The following PCDHGA8 variants were observed in gnomAD, a reference collection of about 807,000 sequenced individuals.
The protein encoded by PCDHGA8 is protocadherin gamma-A8.
PCDHGA8 carries 45 observed loss-of-function variants against 59.2 expected under a neutral mutation model. That is an observed-to-expected ratio of 0.76 (90% CI 0.60 to 0.98). The LOEUF (loss-of-function observed/expected upper bound fraction) is 0.98, where lower values mean the gene tolerates loss of function less well. Among genes scored for constraint, PCDHGA8 ranks in the 50% least tolerant of loss-of-function variants. The pLI, the probability that PCDHGA8 is intolerant of heterozygous loss-of-function variation, is 0.00. For synonymous variants in PCDHGA8, 531 were observed against 519.0 expected, an observed-to-expected ratio of 1.02 and a Z score of -0.32; for missense variants, 1,257 against 1,196.2, an observed-to-expected ratio of 1.05 and a Z score of -0.75.
At chr5:141,441,782 G>T in intron 1 of PCDHGA8, 1 of 391,086 alleles carries the variant, frequency 2.6e-6, no homozygotes, top group East Asian at 8.8e-5. Context: ...TGGACGACCT[G>T]AATGACAACG....
At chr5:141,447,696 G>A (rs1273958794) in intron 1 of PCDHGA8, among the ~76,000 whole-genome samples, 1 of 152,096 alleles carries the variant, frequency 6.6e-6, no homozygotes, top group Non-Finnish European at 1.5e-5. Context: ...TAGAGGGATG[G>A]GTTATAAGGA....
intron 1 of PCDHGA8, among the ~76,000 whole-genome samples, chr5:141,453,393 A>G (rs2098764590): frequency 6.6e-6 from 1 of 152,018 alleles, no homozygotes; most frequent in Non-Finnish European, 1.5e-5. Flanking sequence ...CTTAGCCTCC[A>G]AGTGCTGGTA....
intron 1 of PCDHGA8, chr5:141,420,103 G>C (rs754672450): frequency 4.3e-6 from 7 of 1,613,990 alleles, no homozygotes; most frequent in Non-Finnish European, 2.5e-6. Context: ...AGGGAACGTT[G>C]CCCTATGCCT....
At chr5:141,419,729 G>A in intron 1 of PCDHGA8, 1 of 1,613,758 alleles carries the variant, frequency 6.2e-7, no homozygotes, top group Non-Finnish European at 8.5e-7. Context: ...GCTGCGAACA[G>A]GCGAGGTGCG....
chr5:141,476,619 CTT>C lies in PCDHGA8; in HGVS notation c.2425-18186_2425-18185del. Reference sequence around the variant, plus strand: ...CACGATCCCGATGTGGGAAGCAACTCTTTACAAACCTATGAGCTGAGCCGAAA... The same window carrying C: ...CACGATCCCGATGTGGGAAGCAACTCTACAAACCTATGAGCTGAGCCGAAA... On this transcript the variant is annotated intron_variant, in intron 1 of 3. Transcript: ENST00000398604. This position sits in a 1 kb window ranked among gnomAD's most constrained non-coding sequence, Gnocchi z 7.6. The C allele has an allele frequency of 1.2e-6, 2 of 1,614,258 alleles. No homozygotes were observed. The highest frequency in any genetic ancestry group is 1.7e-6 in the Non-Finnish European group (2 of 1,180,052).
At chr5:141,464,279 C>CA (rs373828487) in intron 1 of PCDHGA8, among the ~76,000 whole-genome samples, 31,576 of 137,520 alleles carry the variant, frequency 0.23, 3,494 homozygotes, top group African/African-American at 0.28. Context: ...AAAAAAAAAG[C>CA]AAAAAAAAAA....
intron 1 of PCDHGA8, among the ~76,000 whole-genome samples, chr5:141,438,340 G>A (rs1348587719): frequency 6.6e-6 from 1 of 151,522 alleles, no homozygotes; most frequent in Non-Finnish European, 1.5e-5. Flanking sequence ...TGTCATATAA[G>A]GATCTACTCT....
chr5:141,475,300 T>C (rs1383092136), intron 1 of PCDHGA8, among the ~76,000 whole-genome samples: 3 of 152,332 alleles, frequency 2.0e-5, no homozygotes, highest in South Asian at 2.1e-4. Context: ...AATTTCTTAT[T>C]GCTCCCTGGT....
intron 1 of PCDHGA8, chr5:141,414,274 G>C: frequency 1.9e-6 from 3 of 1,613,368 alleles, no homozygotes; most frequent in Non-Finnish European, 2.5e-6. Flanking sequence ...TTCACCTCTG[G>C]GAACAGTCGT....
intron 1 of PCDHGA8, among the ~76,000 whole-genome samples, chr5:141,405,668 G>A (rs1468042334): frequency 6.6e-6 from 1 of 152,100 alleles, no homozygotes; most frequent in Non-Finnish European, 1.5e-5. Context: ...AGTAGAGACG[G>A]GGTGTCACCA....
intron 1 of PCDHGA8, among the ~76,000 whole-genome samples, chr5:141,439,599 G>A (rs1319524199): frequency 6.6e-6 from 1 of 152,146 alleles, no homozygotes; most frequent in Non-Finnish European, 1.5e-5. Flanking sequence ...TGGCCAGTCT[G>A]GAAACAGAGA....
chr5:141,490,045 C>T lies in PCDHGA8; in HGVS notation c.2425-4762C>T, dbSNP rs530803072. On this transcript the variant is annotated intron_variant, in intron 1 of 3. Transcript: ENST00000398604. The surrounding 1 kb of genome is among the most constrained non-coding windows in gnomAD (Gnocchi z 5.4). ...GCTGCTCCGCCTCAATGCCACTGAT[C>T]CAGACGAGGGCACCAACGGCCAACT... 1.2e-5 allele frequency: 19 copies of T among 1,614,114 alleles called. No individual in the cohort carries two copies. Among genetic ancestry groups the T allele is most frequent in the Admixed American group, 1.2e-4 (7 of 60,014 alleles).
chr5:141,441,036 A>G (rs2098219746), intron 1 of PCDHGA8: 1 of 152,216 alleles, frequency 6.6e-6, no homozygotes, highest in South Asian at 2.1e-4. Context: ...TGAAAACTTT[A>G]AGTACATTGG....
At position 141,486,415 on chromosome 5, in the gene PCDHGA8, T is replaced by C. The variant is rs745877804; in HGVS notation, c.2425-8392T>C. On this transcript the variant is annotated intron_variant, in intron 1 of 3. Transcript: ENST00000398604. The surrounding 1 kb of genome is among the most constrained non-coding windows in gnomAD (Gnocchi z 5.0). ...CCCTGGTGACTGCTGGACCCTTGGA[T>C]CGAGAGGCCAAATCTAGCTATGACA... 6.2e-7 allele frequency: 1 copy of C among 1,614,176 alleles called. No individual in the cohort carries two copies. The highest frequency in any genetic ancestry group is 8.5e-7 in the Non-Finnish European group (1 of 1,180,022).
At chr5:141,500,809 A>G (rs1018522111) in intron 2 of PCDHGA8, among the ~76,000 whole-genome samples, 1 of 152,324 alleles carries the variant, frequency 6.6e-6, no homozygotes, top group African/African-American at 2.4e-5. Context: ...CCTCATATGA[A>G]TATACATATT....
chr5:141,449,994 G>T (rs2098661673), intron 1 of PCDHGA8, among the ~76,000 whole-genome samples: 2 of 131,786 alleles, frequency 1.5e-5, no homozygotes, highest in Admixed American at 7.9e-5. Context: ...ATTGCATTTA[G>T]TTGCCATGTC....
rs2099405848 is a variant in PCDHGA8 at position 141,477,120 on chromosome 5, A to G, written c.2425-17687A>G. 2 of 1,614,118 alleles carry G rather than the reference A, an allele frequency of 1.2e-6. No homozygotes were observed. Among genetic ancestry groups the G allele is most frequent in the African/African-American group, 2.7e-5 (2 of 74,942 alleles). On this transcript the variant is annotated intron_variant, in intron 1 of 3. Transcript: ENST00000398604. This position sits in a 1 kb window ranked among gnomAD's most constrained non-coding sequence, Gnocchi z 4.9. ...AAGGGCGCCAATCCCGAAGGAGCAC[A>G]TTGCAAAGTGTTGGTGGAGGTTGTG...
intron 1 of PCDHGA8, chr5:141,421,871 CT>C: frequency 6.2e-7 from 1 of 1,613,756 alleles, no homozygotes; most frequent in Non-Finnish European, 8.5e-7. Flanking sequence ...CTCCTCACAG[CT>C]TTAGATGGAG....
intron 3 of PCDHGA8, among the ~76,000 whole-genome samples, chr5:141,507,893 G>C (rs750472786): frequency 2.2e-4 from 33 of 152,356 alleles, no homozygotes; most frequent in Non-Finnish European, 4.1e-4. Context: ...AGAGGTTCCT[G>C]AAGTCCAGCC....
Sources: gnomAD v4.1 joint callset for allele counts (sites outside exome capture counted in the v4.1 genomes callset) on GRCh38, gnomAD v4.1.1 for gene constraint, Gnocchi (gnomAD v3.1) non-coding constraint, MANE v1.5 for transcripts, NCBI Gene and HGNC (gene_info 2026-07-23, HGNC 2026-07-21) for gene names.